The following ADORA1 variants were observed in gnomAD, a reference collection of about 807,000 sequenced individuals.
ADORA1 encodes the protein adenosine receptor A1.
Under a neutral mutation model 19.9 loss-of-function variants are expected in ADORA1, and 6 were observed. The ratio of observed to expected loss-of-function variants is 0.30; its 90% CI spans 0.17 to 0.59. The LOEUF (loss-of-function observed/expected upper bound fraction) is 0.59, where lower values mean the gene tolerates loss of function less well. Among genes scored for constraint, ADORA1 ranks in the 20% least tolerant of loss-of-function variants. The pLI is 0.87. For missense variants in ADORA1, 302 were observed against 439.2 expected (o/e 0.69, Z 2.79); for synonymous variants, 194 against 188.4 (o/e 1.03, Z -0.24).
chr1:203,135,136 G>C (rs1170986765), intron 3 of ADORA1, among the ~76,000 whole-genome samples: 2 of 152,200 alleles, frequency 1.3e-5, no homozygotes, highest in Non-Finnish European at 1.5e-5. Context: ...TTCTGGGCTT[G>C]GTAAGTTCCC....
chr1:203,158,731 G>T (rs1390657752), intron 3 of ADORA1, among the ~76,000 whole-genome samples: 3 of 152,180 alleles, frequency 2.0e-5, no homozygotes, highest in Admixed American at 2.0e-4. Context: ...ATAAAGAAAA[G>T]AAGTTTACTC....
chr1:203,164,148 C>T (rs3766552), intron 3 of ADORA1, among the ~76,000 whole-genome samples: 13,641 of 152,250 alleles, frequency 0.09, 1,051 homozygotes, highest in East Asian at 0.44. Flanking sequence ...TTGTGGCTCA[C>T]GAGCAGCCTC....
At chr1:203,156,203 A>C (rs901785382) in intron 3 of ADORA1, among the ~76,000 whole-genome samples, 1 of 152,182 alleles carries the variant, frequency 6.6e-6, no homozygotes, top group Non-Finnish European at 1.5e-5. Flanking sequence ...ATAAATGTAT[A>C]GATAGATAGA....
intron 3 of ADORA1, among the ~76,000 whole-genome samples, chr1:203,135,642 A>G (rs1180935680): frequency 6.9e-6 from 1 of 144,036 alleles, no homozygotes; most frequent in African/African-American, 2.6e-5. Context: ...TGGGCAACAG[A>G]GTGAGACTTT....
chr1:203,161,120 G>A (rs1028544160), intron 3 of ADORA1, among the ~76,000 whole-genome samples: 4 of 152,162 alleles, frequency 2.6e-5, no homozygotes, highest in East Asian at 1.9e-4. Flanking sequence ...TTCAGCCACC[G>A]GCTCTTGCCA....
chr1:203,153,510 A>C lies in ADORA1; in HGVS notation c.342-11751A>C, dbSNP rs185222486. Among the ~76,000 whole-genome samples, 12 of 152,312 alleles carry C rather than the reference A, an allele frequency of 7.9e-5. No individual in the cohort carries two copies. In the East Asian group the frequency reaches 2.3e-3, roughly 29 times the overall value. On this transcript the variant is annotated intron_variant, in intron 3 of 3. Coordinates refer to ENST00000337894, the MANE Select transcript of ADORA1 (RefSeq NM_000674.3). ...CACTAATGACCTAATCAATTTATCC[A>C]GCTCTTTTCTTTCAAGACACAGAGT...
chr1:203,128,871 C>T lies in ADORA1; in HGVS notation c.30C>T (p.Ala10=), dbSNP rs978339398. 5.6e-6 allele frequency: 9 copies of T among 1,607,002 alleles called. No homozygotes were observed. Among genetic ancestry groups the T allele is most frequent in the Non-Finnish European group, 7.6e-6 (9 of 1,177,606 alleles). The change falls in exon 3 of 4, where the codon GCC becomes GCT. Residue 10 remains alanine, a synonymous_variant. Transcript: ENST00000337894. This position sits in a 1 kb window ranked among gnomAD's most constrained non-coding sequence, Gnocchi z 5.9. The part of the protein sequence containing the change: MPPSISAFQ[A]AYIGIEVLIA... Reference sequence around the variant, plus strand: ...CGCCCTCCATCTCAGCTTTCCAGGCCGCCTACATCGGCATCGAGGTGCTCA... The same window carrying T: ...CGCCCTCCATCTCAGCTTTCCAGGCTGCCTACATCGGCATCGAGGTGCTCA...
chr1:203,131,571 G>A (rs1326766542), intron 3 of ADORA1, among the ~76,000 whole-genome samples: 1 of 152,118 alleles, frequency 6.6e-6, no homozygotes, highest in Non-Finnish European at 1.5e-5. Flanking sequence ...TCTGATTCAG[G>A]GCCATGACCA....
At chr1:203,140,970 G>A (rs1330263119) in intron 3 of ADORA1, among the ~76,000 whole-genome samples, 2 of 152,236 alleles carry the variant, frequency 1.3e-5, no homozygotes, top group Admixed American at 6.5e-5. Flanking sequence ...GGTCTGCATT[G>A]TGGATTGTGT....
Position 203,128,749 on chromosome 1 carries a change from C to G in ADORA1, c.-57-36C>G, listed in dbSNP as rs1292030409. The G allele has an allele frequency of 1.3e-6, 2 of 1,510,732 alleles. No individual in the cohort carries two copies. Among genetic ancestry groups the G allele is most frequent in the Admixed American group, 4.2e-5 (2 of 47,886 alleles). 93.6% of individuals were successfully genotyped at this position (1,510,732 alleles called of 1,614,324 possible). On this transcript the variant is annotated intron_variant, in intron 2 of 3. Transcript: ENST00000337894. The surrounding 1 kb of genome is among the most constrained non-coding windows in gnomAD (Gnocchi z 5.9). ...GCCTGAGCTCCCTGCCCCTCCCAGA[C>G]GGGTCTCCCCATCCCAGGCTTCCCT...
chr1:203,157,652 T>A (rs76804301), intron 3 of ADORA1, among the ~76,000 whole-genome samples: 3,288 of 152,232 alleles, frequency 0.022, 107 homozygotes, highest in African/African-American at 0.075. Context: ...GTCCATGATA[T>A]CCTTTGAAAT....
intron 3 of ADORA1, among the ~76,000 whole-genome samples, chr1:203,132,314 C>T (rs1654368878): frequency 6.6e-6 from 1 of 152,124 alleles, no homozygotes; most frequent in Non-Finnish European, 1.5e-5. Flanking sequence ...CTCCCGAGGG[C>T]TAGTTGTAGG....
intron 3 of ADORA1, among the ~76,000 whole-genome samples, chr1:203,138,781 G>T (rs1456155384): frequency 6.6e-6 from 1 of 152,082 alleles, no homozygotes; most frequent in Non-Finnish European, 1.5e-5. Context: ...AGCTGTCAGG[G>T]GAAGTGGAAA....
intron 3 of ADORA1, among the ~76,000 whole-genome samples, chr1:203,132,838 C>A (rs1654384662): frequency 6.6e-6 from 1 of 152,094 alleles, no homozygotes; most frequent in South Asian, 2.1e-4. Context: ...CAGAGCAAGA[C>A]TCTGTCTCAA....
At chr1:203,142,065 C>G (rs538351587) in intron 3 of ADORA1, among the ~76,000 whole-genome samples, 1 of 152,330 alleles carries the variant, frequency 6.6e-6, no homozygotes, top group East Asian at 1.9e-4. Context: ...CCTTTCTGAG[C>G]TGCTTCCATT....
At position 203,129,336 on chromosome 1, in the gene ADORA1, C is replaced by T. The variant is rs1654260130; in HGVS notation, c.341+154C>T. The T allele has an allele frequency of 1.3e-5, 12 of 953,982 alleles. No homozygotes were observed. In the South Asian group the frequency reaches 3.4e-4, roughly 27 times the overall value. The allele number at this position is 953,982 out of a possible 1,614,324, so 59.1% of individuals were successfully genotyped here. A position where few individuals can be genotyped will look rare whatever the true frequency, so the allele number is the denominator to read the frequency against. ...GTCCTCACTCTGCCTTTCCGTGCTC[C>T]GCTCTGCAGGGCCAGAGAAACAGGA... On this transcript the variant is annotated intron_variant, in intron 3 of 3. Transcript: ENST00000337894.
chr1:203,145,453 G>A (rs1331457086), intron 3 of ADORA1, among the ~76,000 whole-genome samples: 2 of 152,260 alleles, frequency 1.3e-5, no homozygotes, highest in Non-Finnish European at 2.9e-5. Context: ...GGGTTGCTGA[G>A]GCAGGTCCGG....
At chr1:203,154,928 C>T (rs1012859428) in intron 3 of ADORA1, among the ~76,000 whole-genome samples, 3 of 152,116 alleles carry the variant, frequency 2.0e-5, no homozygotes, top group Non-Finnish European at 4.4e-5. Flanking sequence ...TGCCCACCCC[C>T]TCTTCCTTCT....
At chr1:203,135,885 G>A (rs1486435210) in intron 3 of ADORA1, among the ~76,000 whole-genome samples, 1 of 152,026 alleles carries the variant, frequency 6.6e-6, no homozygotes, top group African/African-American at 2.4e-5. Flanking sequence ...AATCCCCCGG[G>A]GGCATTTGGC....
Sources: allele counts gnomAD v4.1 joint callset (sites outside exome capture counted in the v4.1 genomes callset), GRCh38; gene constraint gnomAD v4.1.1; non-coding constraint Gnocchi (gnomAD v3.1); transcripts MANE v1.5; gene names NCBI Gene and HGNC (gene_info 2026-07-23, HGNC 2026-07-21).